The following ZNF658 variants were observed in gnomAD, a reference collection of about 807,000 sequenced individuals.
ZNF658 encodes zinc finger protein 658.
Under a neutral mutation model 78.0 loss-of-function variants are expected in ZNF658, and 46 were observed. The observed-to-expected ratio is 0.59, with a 90% confidence interval of 0.47 to 0.75. ZNF658 has a LOEUF of 0.75. Among genes scored for constraint, ZNF658 ranks in the 30% least tolerant of loss-of-function variants. The pLI is 0.00. For missense variants in ZNF658, 785 were observed against 1,189.3 expected (o/e 0.66, Z 5.00); for synonymous variants, 279 against 408.4 (o/e 0.68, Z 3.82).
Position 66,920,115 on chromosome 9 carries a change from G to C in ZNF658, c.2549G>C (p.Gly850Ala), listed in dbSNP as rs1167783068. The C allele has an allele frequency of 6.2e-7, 1 of 1,612,306 alleles. No individual in the cohort carries two copies. Among genetic ancestry groups the C allele is most frequent in the East Asian group, 2.2e-5 (1 of 44,770 alleles). Residue 850 changes from glycine to alanine, a missense_variant, in exon 5 of 5, where the codon GGG (glycine) becomes GCG (alanine). Physicochemically the swap from Gly to Ala is moderately conservative, Grantham distance 60. Transcript: ENST00000621410. ...TGTGCACATCAGAGAATTCATACTG[G>C]GGAAAAACCCTATGAGTGTAATGAA... ...HLCAHQRIHT[G>A]EKPYECNECG... is the part of the protein sequence containing the mutation.
At position 66,918,896 on chromosome 9, in the gene ZNF658, G is replaced by A; in HGVS notation, c.1330G>A (p.Glu444Lys). 6.3e-7 allele frequency: 1 copy of A among 1,577,692 alleles called. No homozygotes were observed. Residue 444 changes from glutamate to lysine, a missense_variant, in exon 5 of 5, where the codon GAA becomes AAA. Physicochemically the swap from Glu to Lys is moderately conservative, Grantham distance 56. This residue lies in a region of ZNF658 where 393 missense variants were observed against 400.2 expected (regional missense o/e 0.98). Coordinates refer to ENST00000621410, the MANE Select transcript of ZNF658 (RefSeq NM_033160.7). ...YVGFKLYECN[E>K]CGKAFCQNSN... ...GGGATTCAAACTTTATGAATGTAAT[G>A]AATGTGGGAAAGCTTTCTGTCAGAA...
At chr9:66,923,125 A>G (rs1930117), downstream of ZNF658, among the ~76,000 whole-genome samples, 37,698 of 114,578 alleles carry the variant, frequency 0.33, 7,371 homozygotes, top group Middle Eastern at 0.41. Context: ...TAGGGAAGCC[A>G]ACAGTGCAGC....
chr9:66,915,040 G>C, intron 4 of ZNF658, among the ~76,000 whole-genome samples: 1 of 145,206 alleles, frequency 6.9e-6, no homozygotes, highest in African/African-American at 2.6e-5. Flanking sequence ...TCCAGAAGTT[G>C]TTCTTTGGAA....
rs544928325 is a variant in ZNF658 at position 66,920,820 on chromosome 9, A to T, written c.*74A>T. 3.3e-3 allele frequency: 2,082 copies of T among 628,214 alleles called. 31 individuals carry two copies. The African/African-American group carries it at 0.036, about 11-fold the overall frequency. 38.9% of individuals were successfully genotyped at this position (628,214 alleles called of 1,614,324 possible). A position where few individuals can be genotyped will look rare whatever the true frequency, so the allele number is the denominator to read the frequency against. On this transcript the variant is annotated 3_prime_UTR_variant, in exon 5 of 5. Coordinates refer to ENST00000621410, the MANE Select transcript of ZNF658 (RefSeq NM_033160.7). ...CATAGGCTGGGAACTTGTTTCCCTTATCCATTTCCTTTTTCATTAGGCTCA... is the reference window on the plus strand; with the variant it reads ...CATAGGCTGGGAACTTGTTTCCCTTTTCCATTTCCTTTTTCATTAGGCTCA...
Position 66,900,801 on chromosome 9 carries a change from TTAGGTC to T in ZNF658, c.-78_-73del, listed in dbSNP as rs1263317278. On this transcript the variant is annotated 5_prime_UTR_variant, in exon 1 of 5. Transcript: ENST00000621410. The stretch of plus-strand genomic sequence containing the variant: ...TGAAAGGGACACGGTGTCCGAGTCT[TTAGGTC>T]TGCGCGGGAGCCGAGGCTGCGCACC... 2 of 152,234 alleles carry T rather than the reference TTAGGTC, an allele frequency of 1.3e-5. No homozygotes were observed. Among genetic ancestry groups the T allele is most frequent in the Non-Finnish European group, 2.9e-5 (2 of 68,062 alleles). 9.4% of individuals were successfully genotyped at this position (152,234 alleles called of 1,614,324 possible).
At chr9:66,908,394 G>T in intron 3 of ZNF658, 30 bp downstream of exon 3, 1 of 1,613,684 alleles carries the variant, frequency 6.2e-7, no homozygotes, top group East Asian at 2.2e-5. Context: ...GGGCTCTCTC[G>T]AGAATATATG....
chr9:66,914,148 A>C (rs1403647959), intron 4 of ZNF658, among the ~76,000 whole-genome samples: 2 of 151,544 alleles, frequency 1.3e-5, no homozygotes, highest in Non-Finnish European at 2.9e-5. Flanking sequence ...ACAGTCTTCC[A>C]GTCCATACAC....
At chr9:66,904,475 C>T (rs1822028243) in intron 2 of ZNF658, among the ~76,000 whole-genome samples, 1 of 151,832 alleles carries the variant, frequency 6.6e-6, no homozygotes. Context: ...TTAGTCTTCT[C>T]TGTTGTCTCC....
chr9:66,929,845 A>G (rs1308207940), intron 6 of ZNF658, among the ~76,000 whole-genome samples: 2 of 123,552 alleles, frequency 1.6e-5, no homozygotes, highest in East Asian at 2.3e-4. Context: ...GTGCAGTGGC[A>G]TGATCTCGGC....
At position 66,919,536 on chromosome 9, in the gene ZNF658, C is replaced by T. The variant is rs146060713; in HGVS notation, c.1970C>T (p.Pro657Leu). The change falls in exon 5 of 5, where the codon CCC becomes CTC. Residue 657 changes from proline (P) to leucine (L), a missense_variant. Pro to Leu is a moderately conservative substitution (Grantham distance 98). Coordinates refer to ENST00000621410, the MANE Select transcript of ZNF658 (RefSeq NM_033160.7). ...AHQRIHTGEK[P>L]YECNECGRSF... is the part of the protein sequence containing the mutation. ...CAAAGAATTCACACAGGGGAGAAAC[C>T]CTATGAATGTAATGAATGTGGGAGA... 181 of 1,610,840 alleles carry T rather than the reference C, an allele frequency of 1.1e-4. No homozygotes were observed. Among genetic ancestry groups the T allele is most frequent in the Non-Finnish European group, 1.5e-4 (175 of 1,178,818 alleles).
At chr9:66,931,041 A>T (rs1006218087) in intron 6 of ZNF658, among the ~76,000 whole-genome samples, 106 of 152,182 alleles carry the variant, frequency 7.0e-4, no homozygotes, top group Middle Eastern at 3.4e-3. Context: ...CACATGAGAA[A>T]TGATTATTGG....
At chr9:66,916,438 ATTTCTGAAGG>A in intron 4 of ZNF658, among the ~76,000 whole-genome samples, 2 of 147,612 alleles carry the variant, frequency 1.4e-5, no homozygotes, top group East Asian at 4.0e-4. Flanking sequence ...TTTCTTCTAT[ATTTCTGAAGG>A]TTTGTCTTAC....
chr9:66,922,600 G>T (rs1822545580), downstream of ZNF658, among the ~76,000 whole-genome samples: 1 of 67,344 alleles, frequency 1.5e-5, no homozygotes, highest in Non-Finnish European at 3.2e-5. Flanking sequence ...AGACTGAGAG[G>T]GGAGAAATGC....
chr9:66,906,045 A>G (rs1564169313), intron 2 of ZNF658, among the ~76,000 whole-genome samples: 1 of 141,582 alleles, frequency 7.1e-6, no homozygotes, highest in African/African-American at 2.8e-5. Context: ...AAATTTGTCT[A>G]GTGACTTTTT....
downstream of ZNF658, among the ~76,000 whole-genome samples, chr9:66,921,819 G>T (rs1013320322): frequency 5.0e-4 from 76 of 151,142 alleles, 1 homozygote; most frequent in Non-Finnish European, 1.3e-4. Flanking sequence ...TGAGGAGGCA[G>T]TCTGTCCATT....
intron 4 of ZNF658, among the ~76,000 whole-genome samples, chr9:66,910,557 C>T (rs1822190653): frequency 2.0e-5 from 3 of 151,730 alleles, no homozygotes; most frequent in African/African-American, 7.3e-5. Flanking sequence ...GCCTGTAATC[C>T]CAGCACTTTG....
downstream of ZNF658, among the ~76,000 whole-genome samples, chr9:66,922,381 C>G (rs1322841680): frequency 6.6e-6 from 1 of 151,552 alleles, no homozygotes; most frequent in Admixed American, 6.6e-5. Context: ...TGAGATGAAC[C>G]TGGTACCTCA....
intron 4 of ZNF658, among the ~76,000 whole-genome samples, chr9:66,913,425 A>G (rs1822260424): frequency 7.2e-6 from 1 of 138,410 alleles, no homozygotes; most frequent in Non-Finnish European, 1.5e-5. Flanking sequence ...CTGTCTCAAA[A>G]GGAAGGAAAA....
At chr9:66,928,670 G>A (rs2118137799) in intron 6 of ZNF658, among the ~76,000 whole-genome samples, 1 of 149,150 alleles carries the variant, frequency 6.7e-6, no homozygotes, top group Middle Eastern at 3.4e-3. Flanking sequence ...GGCTAACACG[G>A]TGAAACCCCA....
Sources: gnomAD v4.1 joint callset for allele counts (sites outside exome capture counted in the v4.1 genomes callset) on GRCh38, gnomAD v4.1.1 for gene constraint, gnomAD v4.1.1 regional missense constraint, MANE v1.5 for transcripts, NCBI Gene and HGNC (gene_info 2026-07-23, HGNC 2026-07-21) for gene names.